Variants in LATS1 observed in about 807,000 individuals in gnomAD.
LATS1 encodes large tumor suppressor kinase 1.
Under a neutral mutation model 106.6 loss-of-function variants are expected in LATS1, and 25 were observed. The ratio of observed to expected loss-of-function variants is 0.23; its 90% CI spans 0.17 to 0.33. LATS1 has a LOEUF of 0.33. Among genes scored for constraint, LATS1 ranks in the 10% least tolerant of loss-of-function variants. The pLI is 1.00. For missense variants in LATS1, 1,040 were observed against 1,382.6 expected (o/e 0.75, Z 3.93); for synonymous variants, 465 against 455.6 (o/e 1.02, Z -0.26).
intron 4 of LATS1, 161 bp downstream of exon 4, chr6:149,682,918 A>C: frequency 1.6e-6 from 1 of 609,504 alleles, no homozygotes; most frequent in East Asian, 3.0e-5. Flanking sequence ...AAATGCTACA[A>C]TCAAAAGTAC....
chr6:149,698,439 T>A (rs1783234263), intron 2 of LATS1, among the ~76,000 whole-genome samples: 1 of 152,114 alleles, frequency 6.6e-6, no homozygotes, highest in Non-Finnish European at 1.5e-5. Context: ...AGAGACAGGG[T>A]CTCACTATGT....
intron 7 of LATS1, among the ~76,000 whole-genome samples, chr6:149,669,448 C>T (rs1439970411): frequency 3.3e-5 from 5 of 151,934 alleles, no homozygotes; most frequent in Admixed American, 6.6e-5. Context: ...AGGTTTTAAA[C>T]GTATGTAGAT....
In LATS1 at chr6:149,661,070, A is replaced by C. The variant is rs1183115235; in HGVS notation, c.*659T>G. 1 of 153,536 alleles carries C rather than the reference A, an allele frequency of 6.5e-6. No individual in the cohort carries two copies. The highest frequency in any genetic ancestry group is 2.9e-5 in the African/African-American group (1 of 34,126). The allele number at this position is 153,536 out of a possible 1,614,324, so 9.5% of individuals were successfully genotyped here. A position where few individuals can be genotyped will look rare whatever the true frequency, so the allele number is the denominator to read the frequency against. On this transcript the variant is annotated 3_prime_UTR_variant, in exon 8 of 8. Coordinates refer to ENST00000543571, the MANE Select transcript of LATS1 (RefSeq NM_004690.4). ...TAAAGCCAGTAATTCTTGAGAAATA[A>C]ATGCAAGAAGATTAAATAGATTAAA... is the stretch of plus-strand genomic sequence containing the variant.
At chr6:149,671,122 T>TTTTG (rs35098962) in intron 7 of LATS1, among the ~76,000 whole-genome samples, 69 of 150,622 alleles carry the variant, frequency 4.6e-4, no homozygotes, top group East Asian at 7.9e-4. Flanking sequence ...TCAGTTGTTT[T>TTTTG]TTTGTTTGTT....
Position 149,717,859 on chromosome 6 carries a change from G to C in LATS1, c.-151C>G, listed in dbSNP as rs775787890. 9 of 350,710 alleles carry C rather than the reference G, an allele frequency of 2.6e-5. No individual in the cohort carries two copies. The East Asian group carries it at 6.2e-4, about 24-fold the overall frequency. The allele number at this position is 350,710 out of a possible 1,614,324, so 21.7% of individuals were successfully genotyped here. A position where few individuals can be genotyped will look rare whatever the true frequency, so the allele number is the denominator to read the frequency against. On this transcript the variant is annotated 5_prime_UTR_variant, in exon 1 of 8. Transcript: ENST00000543571. ...CAGCCCCGGACCTACCTGGAGGGGA[G>C]AGCAGAGCTCCTGGACAGCGGCCAC...
rs1367625578 is a variant in LATS1 at position 149,660,032 on chromosome 6, A to G, written c.*1697T>C. 2 of 232,450 alleles carry G rather than the reference A, an allele frequency of 8.6e-6. No homozygotes were observed. The highest frequency in any genetic ancestry group is 1.7e-5 in the Non-Finnish European group (2 of 117,684). The allele number at this position is 232,450 out of a possible 1,614,324, so 14.4% of individuals were successfully genotyped here. On this transcript the variant is annotated 3_prime_UTR_variant, in exon 8 of 8. Transcript: ENST00000543571. ...GTGCTGAGTAGTGATTGGTAAGTTAAAAACAAAGTTCTTAGTTTAATGTAT... is the reference window on the plus strand; with the variant it reads ...GTGCTGAGTAGTGATTGGTAAGTTAGAAACAAAGTTCTTAGTTTAATGTAT...
chr6:149,678,507 G>A (rs1330336639), intron 5 of LATS1, among the ~76,000 whole-genome samples: 2 of 152,094 alleles, frequency 1.3e-5, no homozygotes, highest in African/African-American at 2.4e-5. Flanking sequence ...CCACTATGTC[G>A]AACATTAAAG....
intron 1 of LATS1, among the ~76,000 whole-genome samples, chr6:149,704,159 G>A (rs140673446): frequency 0.012 from 1,800 of 151,918 alleles, 38 homozygotes; most frequent in African/African-American, 0.042. Context: ...ATGCACCACC[G>A]TGCCCAGCTA....
intron 1 of LATS1, among the ~76,000 whole-genome samples, chr6:149,709,415 AAAG>A (rs1783965126): frequency 6.6e-6 from 1 of 152,200 alleles, no homozygotes; most frequent in Non-Finnish European, 1.5e-5. Flanking sequence ...ACAGTCCTGC[AAAG>A]CTGTCTCTTG....
chr6:149,665,233 T>C (rs1254405893), intron 7 of LATS1, among the ~76,000 whole-genome samples: 1 of 152,036 alleles, frequency 6.6e-6, no homozygotes, highest in African/African-American at 2.4e-5. Flanking sequence ...TGGTGGTGCA[T>C]ACCTGTAATC....
intron 5 of LATS1, among the ~76,000 whole-genome samples, chr6:149,677,174 G>A (rs893521537): frequency 6.1e-4 from 93 of 152,090 alleles, no homozygotes; most frequent in Non-Finnish European, 1.0e-4. Flanking sequence ...AAGGAACAGT[G>A]ACATACCCTA....
At chr6:149,714,554 T>TG (rs752525240) in intron 1 of LATS1, among the ~76,000 whole-genome samples, 6 of 151,694 alleles carry the variant, frequency 4.0e-5, no homozygotes, top group Non-Finnish European at 8.8e-5. Context: ...CCAAAACTTT[T>TG]GGAGTTATCT....
chr6:149,702,383 A>G (rs1197633468), intron 1 of LATS1, 117 bp from the exon 2 acceptor site: 1 of 333,492 alleles, frequency 3.0e-6, no homozygotes, highest in Non-Finnish European at 5.4e-6. Context: ...TTCTGACTCC[A>G]TTAAGGATTA....
intron 3 of LATS1, among the ~76,000 whole-genome samples, chr6:149,685,191 T>G (rs1320418372): frequency 2.0e-5 from 3 of 151,978 alleles, no homozygotes; most frequent in African/African-American, 7.2e-5. Flanking sequence ...TGAACTGAGA[T>G]CGTGCCACTG....
intron 1 of LATS1, 24 bp downstream of exon 1, chr6:149,717,825 C>T (rs1428053339): frequency 1.0e-5 from 3 of 291,224 alleles, no homozygotes; most frequent in Non-Finnish European, 2.0e-5. Flanking sequence ...AGGAGCGCAC[C>T]CGCTACGCCA....
At position 149,701,759 on chromosome 6, in the gene LATS1, T is replaced by C. The variant is rs1484899139; in HGVS notation, c.348+20A>G. 5 of 1,551,188 alleles carry C rather than the reference T, an allele frequency of 3.2e-6. No individual in the cohort carries two copies. The highest frequency in any genetic ancestry group is 1.7e-4 in the Middle Eastern group (1 of 5,812). On this transcript the variant is annotated intron_variant, in intron 2 of 7. Coordinates refer to ENST00000543571, the MANE Select transcript of LATS1 (RefSeq NM_004690.4). ...CATAAGGTAAGAAGAATCCTTTCTT[T>C]TGTCTTTAAACATTCTTACCTCATC...
At chr6:149,705,104 A>G (rs999150208) in intron 1 of LATS1, among the ~76,000 whole-genome samples, 1 of 152,034 alleles carries the variant, frequency 6.6e-6, no homozygotes, top group African/African-American at 2.4e-5. Flanking sequence ...AAAAAAGATG[A>G]ACTTTTTCAT....
intron 2 of LATS1, among the ~76,000 whole-genome samples, chr6:149,700,380 G>T (rs530053458): frequency 2.0e-5 from 3 of 152,258 alleles, no homozygotes; most frequent in East Asian, 3.9e-4. Context: ...GGCTGAGGCA[G>T]GAGAATTGCT....
Position 149,718,040 on chromosome 6 carries a change from G to A in LATS1, c.-332C>T, listed in dbSNP as rs769042207. 6 of 333,782 alleles carry A rather than the reference G, an allele frequency of 1.8e-5. No individual in the cohort carries two copies. Among genetic ancestry groups the A allele is most frequent in the South Asian group, 4.1e-5 (2 of 48,942 alleles). 20.7% of individuals were successfully genotyped at this position (333,782 alleles called of 1,614,324 possible). On this transcript the variant is annotated 5_prime_UTR_variant, in exon 1 of 8. Coordinates refer to ENST00000543571, the MANE Select transcript of LATS1 (RefSeq NM_004690.4). ...GACCTGGCTCTCCCCTTAACACCAG[G>A]CCACCGCCGCCGCCGCCGCCATTTT...
Sources: gnomAD v4.1 joint callset for allele counts (sites outside exome capture counted in the v4.1 genomes callset) on GRCh38, gnomAD v4.1.1 for gene constraint, MANE v1.5 for transcripts, NCBI Gene and HGNC (gene_info 2026-07-23, HGNC 2026-07-21) for gene names.